Variants in CRACD observed in about 807,000 individuals in gnomAD.
CRACD encodes the protein capping protein inhibiting regulator of actin dynamics, also known as capping protein-inhibiting regulator of actin dynamics.
In CRACD, 56 loss-of-function variants were observed where a neutral mutation model predicts 106.8. That is an observed-to-expected ratio of 0.52 (90% CI 0.42 to 0.66). The LOEUF (loss-of-function observed/expected upper bound fraction) is 0.66. Ranked by LOEUF, CRACD falls within the 30% of genes least tolerant of loss-of-function variation. CRACD has a pLI of 0.00. For synonymous variants in CRACD, 754 were observed against 670.8 expected, an observed-to-expected ratio of 1.12 and a Z score of -1.92; for missense variants, 1,730 against 1,623.2, an observed-to-expected ratio of 1.07 and a Z score of -1.13.
Position 56,284,387 on chromosome 4 carries a change from A to C in CRACD, c.-17+11895A>C, listed in dbSNP as rs543031907. Among the ~76,000 whole-genome samples, 66 of 151,420 alleles carry C rather than the reference A, an allele frequency of 4.4e-4. 1 individual carries two copies. Among genetic ancestry groups the C allele is most frequent in the African/African-American group, 1.4e-3 (58 of 41,310 alleles). On this transcript the variant is annotated intron_variant, in intron 3 of 10. Coordinates refer to ENST00000682029, the MANE Select transcript of CRACD (RefSeq NM_001393381.1). ...AGATAATAGATGTGATCCCTGACCT[A>C]ACATAGTACTGGGGTGGAGATAAGA...
intron 1 of CRACD, among the ~76,000 whole-genome samples, chr4:56,056,310 T>G (rs1386365691): frequency 6.6e-6 from 1 of 152,224 alleles, no homozygotes; most frequent in Non-Finnish European, 1.5e-5. Flanking sequence ...AGGAAAATGC[T>G]TTATACTTCT....
intron 1 of CRACD, among the ~76,000 whole-genome samples, chr4:56,132,192 T>C (rs1025060438): frequency 6.6e-6 from 1 of 152,134 alleles, no homozygotes; most frequent in African/African-American, 2.4e-5. Context: ...CACAGGCATG[T>C]GCCTGGCTAA....
intron 1 of CRACD, among the ~76,000 whole-genome samples, chr4:56,143,025 T>C (rs1375127652): frequency 6.6e-6 from 1 of 151,888 alleles, no homozygotes; most frequent in South Asian, 2.1e-4. Flanking sequence ...ATATTATCAA[T>C]CATTTACCTT....
chr4:56,143,775 A>G (rs1370473741), intron 1 of CRACD, among the ~76,000 whole-genome samples: 4 of 152,094 alleles, frequency 2.6e-5, no homozygotes, highest in Non-Finnish European at 4.4e-5. Flanking sequence ...TACTTCATTC[A>G]TTATTTTAAT....
chr4:56,161,510 G>A (rs1171205584), intron 1 of CRACD, among the ~76,000 whole-genome samples: 2 of 151,988 alleles, frequency 1.3e-5, no homozygotes, highest in Non-Finnish European at 2.9e-5. Flanking sequence ...GGAGTGCAGT[G>A]GCACAATTTC....
chr4:56,281,815 G>A (rs1190512165), intron 3 of CRACD, among the ~76,000 whole-genome samples: 1 of 152,192 alleles, frequency 6.6e-6, no homozygotes, highest in Non-Finnish European at 1.5e-5. Flanking sequence ...TTTGTCTTAG[G>A]TGGTGTCTTA....
At chr4:56,175,592 G>T (rs192476628) in intron 1 of CRACD, among the ~76,000 whole-genome samples, 2 of 152,212 alleles carry the variant, frequency 1.3e-5, no homozygotes, top group Non-Finnish European at 1.5e-5. Flanking sequence ...TCACATCAGG[G>T]TACACACACA....
chr4:56,256,201 A>G (rs538073636), intron 2 of CRACD, among the ~76,000 whole-genome samples: 1 of 152,302 alleles, frequency 6.6e-6, no homozygotes, highest in African/African-American at 2.4e-5. Flanking sequence ...AGATAATTGA[A>G]TCATGGAGGT....
intron 2 of CRACD, among the ~76,000 whole-genome samples, chr4:56,253,462 T>C (rs17086557): frequency 0.024 from 3,580 of 152,216 alleles, 64 homozygotes; most frequent in South Asian, 0.097. Context: ...AGCTAGAAAA[T>C]GGCAGAGGTG....
intron 1 of CRACD, among the ~76,000 whole-genome samples, chr4:56,147,218 C>G (rs1735418303): frequency 6.6e-6 from 1 of 152,132 alleles, no homozygotes; most frequent in African/African-American, 2.4e-5. Flanking sequence ...TAAGCGAGCA[C>G]TGTTCATGGA....
chr4:56,302,148 C>T (rs1037297634), intron 4 of CRACD, among the ~76,000 whole-genome samples: 16 of 152,308 alleles, frequency 1.1e-4, no homozygotes, highest in South Asian at 4.1e-4. Context: ...GGGGTGATCT[C>T]AGGGCCCCTC....
chr4:56,283,104 C>A (rs968934786), intron 3 of CRACD, among the ~76,000 whole-genome samples: 27 of 152,312 alleles, frequency 1.8e-4, no homozygotes, highest in Admixed American at 4.6e-4. Flanking sequence ...TCTCATCTCT[C>A]CCATTCCTCC....
intron 2 of CRACD, among the ~76,000 whole-genome samples, chr4:56,180,168 G>A (rs1044351078): frequency 4.6e-5 from 7 of 152,036 alleles, no homozygotes; most frequent in Admixed American, 2.6e-4. Context: ...GGGAGTGGGA[G>A]GCATTCCTCA....
intron 1 of CRACD, among the ~76,000 whole-genome samples, chr4:56,050,169 G>A (rs1474042457): frequency 6.6e-6 from 1 of 152,064 alleles, no homozygotes; most frequent in Non-Finnish European, 1.5e-5. Context: ...TGATTCAGTG[G>A]AGGGGGAGGG....
At chr4:56,222,921 G>A (rs1185572191) in intron 2 of CRACD, among the ~76,000 whole-genome samples, 1 of 151,886 alleles carries the variant, frequency 6.6e-6, no homozygotes, top group Non-Finnish European at 1.5e-5. Flanking sequence ...GTTGCAGTGG[G>A]CCGAAATCAC....
chr4:56,327,585 G>T (rs956995048), intron 10 of CRACD, 59 bp from the exon 11 acceptor site: 6 of 1,496,398 alleles, frequency 4.0e-6, no homozygotes, highest in Non-Finnish European at 4.6e-6. Context: ...TAATTAAAAA[G>T]AAAATTTGTA....
chr4:56,125,555 A>G (rs1734629922), intron 1 of CRACD, among the ~76,000 whole-genome samples: 4 of 151,852 alleles, frequency 2.6e-5, no homozygotes, highest in Admixed American at 2.6e-4. Flanking sequence ...AGTAGCTAAG[A>G]CTACAGGCAT....
intron 2 of CRACD, among the ~76,000 whole-genome samples, chr4:56,254,082 G>T: frequency 6.6e-6 from 1 of 152,270 alleles, no homozygotes; most frequent in African/African-American, 2.4e-5. Context: ...TGTAGCAATT[G>T]TTATCTCTTT....
chr4:56,075,661 T>C (rs746362522), intron 1 of CRACD, among the ~76,000 whole-genome samples: 12 of 152,186 alleles, frequency 7.9e-5, no homozygotes, highest in Non-Finnish European at 1.6e-4. Flanking sequence ...CAACCACTAA[T>C]CTGCTTCCTG....
Sources: allele counts gnomAD v4.1 joint callset (sites outside exome capture counted in the v4.1 genomes callset), GRCh38; gene constraint gnomAD v4.1.1; transcripts MANE v1.5; gene names NCBI Gene and HGNC (gene_info 2026-07-23, HGNC 2026-07-21).